CCDC42: variants seen among roughly 807,000 people sequenced by gnomAD.
CCDC42 encodes the protein coiled-coil domain containing 42, also known as coiled-coil domain-containing protein 42.
CCDC42 carries 38 observed loss-of-function variants against 40.8 expected under a neutral mutation model. The ratio of observed to expected loss-of-function variants is 0.93; its 90% confidence interval spans 0.72 to 1.22. CCDC42 has a LOEUF of 1.22. CCDC42 is among the 50% of genes most tolerant of loss of function. The probability of loss-of-function intolerance (pLI) is 0.00; values close to 1 mark genes in which losing one functional copy is unlikely to be tolerated. For missense variants in CCDC42, 379 were observed against 416.5 expected (o/e 0.91, Z 0.78); for synonymous variants, 135 against 157.5 (o/e 0.86, Z 1.07).
rs777008832 is a variant in CCDC42 at position 8,735,867 on chromosome 17, A to G, written c.493-256T>C. ...GCTAGGGATTTTCGACTTTAACTGC[A>G]TGTGAGAATCACCTGTAGGGGCTTT... On this transcript the variant is annotated intron_variant, in intron 4 of 6. Transcript: ENST00000293845. The surrounding 1 kb of genome is among the most constrained non-coding windows in gnomAD (Gnocchi z 4.7). 5.9e-5 allele frequency among the ~76,000 whole-genome samples: 9 copies of G among 152,310 alleles called. No homozygotes were observed. Among genetic ancestry groups the G allele is most frequent in the African/African-American group, 2.2e-4 (9 of 41,566 alleles).
rs1344849214 is a variant in CCDC42, at chr17:8,737,840, G to A, written c.493-2229C>T. ...GTGCAATAATTTGTCTTAAAAGACAGGGTCTCACTCTATTGTTCAGGCTGG... is the reference window on the plus strand; with the variant it reads ...GTGCAATAATTTGTCTTAAAAGACAAGGTCTCACTCTATTGTTCAGGCTGG... On this transcript the variant is annotated intron_variant, in intron 4 of 6. Coordinates refer to ENST00000293845, the MANE Select transcript of CCDC42 (RefSeq NM_144681.3). 2.0e-5 allele frequency among the ~76,000 whole-genome samples: 3 copies of A among 152,194 alleles called. No homozygotes were observed. In the South Asian group the frequency reaches 6.2e-4, roughly 31 times the overall value.
intron 4 of CCDC42, 62 bp downstream of exon 4, chr17:8,741,412 C>G: frequency 2.0e-6 from 3 of 1,510,986 alleles, no homozygotes; most frequent in Non-Finnish European, 2.8e-6. Context: ...CCCCAGGCCC[C>G]GGGGAAGAGA....
At position 8,744,580 on chromosome 17, in the gene CCDC42, G is replaced by C. The variant is rs1464829541; in HGVS notation, c.30C>G (p.Asp10Glu). Reference sequence around the variant, plus strand: ...ACTGCAGCCGGAAGTACTCGGCCAGGTCTTCCTCTTCCATGATGCCCAGAC... The same window carrying C: ...ACTGCAGCCGGAAGTACTCGGCCAGCTCTTCCTCTTCCATGATGCCCAGAC... The part of the protein sequence containing the change: MSLGIMEEE[D>E]LAEYFRLQYG... Residue 10 changes from aspartate to glutamate, a missense_variant, in exon 1 of 7, where the codon GAC (aspartate) becomes GAG (glutamate). Transcript: ENST00000293845. The C allele has an allele frequency of 1.6e-5, 25 of 1,612,576 alleles. No homozygotes were observed. The Admixed American group carries it at 4.2e-4, about 27-fold the overall frequency.
rs532569419 is a variant in CCDC42, at chr17:8,735,801, G to A, written c.493-190C>T. 2.0e-5 allele frequency among the ~76,000 whole-genome samples: 3 copies of A among 152,308 alleles called. No homozygotes were observed. Among genetic ancestry groups the A allele is most frequent in the Admixed American group, 1.3e-4 (2 of 15,310 alleles). ...CTGCCTGCTTCTCCTGGGTTTGTAC[G>A]GGCCACGGTCCATTTGTTGGGCAGG... On this transcript the variant is annotated intron_variant, in intron 4 of 6. Transcript: ENST00000293845. The surrounding 1 kb of genome is among the most constrained non-coding windows in gnomAD (Gnocchi z 4.7).
chr17:8,730,250 G>A, intron 6 of CCDC42, 43 bp from the exon 7 acceptor site: 1 of 1,470,858 alleles, frequency 6.8e-7, no homozygotes, highest in South Asian at 1.2e-5. Context: ...CCCCCCAGAG[G>A]CCTCCCCTGT....
intron 4 of CCDC42, among the ~76,000 whole-genome samples, chr17:8,740,192 T>C (rs1435913574): frequency 6.6e-6 from 1 of 152,078 alleles, no homozygotes; most frequent in Non-Finnish European, 1.5e-5. Context: ...TGGGAGGCCC[T>C]GGACATTGCT....
chr17:8,737,782 C>T (rs1334323070), intron 4 of CCDC42, among the ~76,000 whole-genome samples: 1 of 152,194 alleles, frequency 6.6e-6, no homozygotes, highest in Non-Finnish European at 1.5e-5. Flanking sequence ...TATGGACTCT[C>T]ATTGGAACAA....
intron 3 of CCDC42, among the ~76,000 whole-genome samples, chr17:8,742,529 AC>A (rs2086651567): frequency 1.3e-5 from 2 of 152,090 alleles, no homozygotes. Flanking sequence ...GGGCAAGCCC[AC>A]CCCTCGCCCT....
In CCDC42 at chr17:8,744,565, G is replaced by C. The variant is rs1190234299; in HGVS notation, c.45C>G (p.Phe15Leu). ...GCAGCCGCTCCCCATACTGCAGCCG[G>C]AAGTACTCGGCCAGGTCTTCCTCTT... ...IMEEEDLAEYFRLQYGERLLQ... is the reference protein window; with the variant it reads ...IMEEEDLAEYLRLQYGERLLQ... Residue 15 changes from phenylalanine to leucine, a missense_variant, in exon 1 of 7, where the codon TTC becomes TTG. Transcript: ENST00000293845. 6.2e-7 allele frequency: 1 copy of C among 1,612,476 alleles called. No homozygotes were observed. Among genetic ancestry groups the C allele is most frequent in the African/African-American group, 1.3e-5 (1 of 74,912 alleles).
rs1373117039 is a variant in CCDC42, at chr17:8,741,565, G to A, written c.401C>T (p.Ala134Val). ...ELTKRKQEMV[A>V]LRLEHQRLSA... ...CAGCCGCTGGTGCTCCAGCCGCAGCGCCACCATCTCCTGCTTGCGCTTGGT... is the reference window on the plus strand; with the variant it reads ...CAGCCGCTGGTGCTCCAGCCGCAGCACCACCATCTCCTGCTTGCGCTTGGT... The change falls in exon 4 of 7, where the codon GCG becomes GTG. Residue 134 changes from alanine (A) to valine (V), a missense_variant. By Grantham distance (64) the Ala-to-Val change is moderately conservative. Transcript: ENST00000293845. 6.8e-6 allele frequency: 11 copies of A among 1,614,054 alleles called. No homozygotes were observed. The highest frequency in any genetic ancestry group is 4.0e-5 in the African/African-American group (3 of 74,940).
chr17:8,740,214 T>C (rs1568053263), intron 4 of CCDC42, among the ~76,000 whole-genome samples: 1 of 151,628 alleles, frequency 6.6e-6, no homozygotes, highest in African/African-American at 2.4e-5. Flanking sequence ...AGAAGAAAAG[T>C]GGAGGATCGC....
chr17:8,741,079 A>G (rs1356534374), intron 4 of CCDC42, among the ~76,000 whole-genome samples: 3 of 152,062 alleles, frequency 2.0e-5, no homozygotes, highest in Non-Finnish European at 4.4e-5. Context: ...GGATGCAGGG[A>G]TAGAGGGAGG....
At chr17:8,732,912 TC>T (rs2086589779) in intron 6 of CCDC42, among the ~76,000 whole-genome samples, 1 of 152,190 alleles carries the variant, frequency 6.6e-6, no homozygotes, top group African/African-American at 2.4e-5. Flanking sequence ...GAATCGCTTT[TC>T]CTAAGCTGTC....
rs1597344258 is a variant in CCDC42 at position 8,735,184 on chromosome 17, G to A, written c.785C>T (p.Ala262Val). The A allele has an allele frequency of 2.5e-6, 4 of 1,614,144 alleles. No individual in the cohort carries two copies. Among genetic ancestry groups the A allele is most frequent in the Non-Finnish European group, 3.4e-6 (4 of 1,180,016 alleles). The change falls in exon 6 of 7, where the codon GCC becomes GTC. Residue 262 changes from alanine (A) to valine (V), a missense_variant. Transcript: ENST00000293845. This position sits in a 1 kb window ranked among gnomAD's most constrained non-coding sequence, Gnocchi z 4.7. Reference sequence around the variant, plus strand: ...CACGATCTGGAAGAGGTTCAGCGTGGCCATCTTAATGGTGCCAAGCAGGAG... The same window carrying A: ...CACGATCTGGAAGAGGTTCAGCGTGACCATCTTAATGGTGCCAAGCAGGAG... ...KTLLLGTIKMATLNLFQIVSK... is the reference protein window; with the variant it reads ...KTLLLGTIKMVTLNLFQIVSK...
intron 3 of CCDC42, among the ~76,000 whole-genome samples, chr17:8,743,149 T>C (rs1303196067): frequency 1.3e-5 from 2 of 152,176 alleles, no homozygotes; most frequent in Non-Finnish European, 2.9e-5. Context: ...AGTGCTCCAC[T>C]AAAGACTGAA....
intron 6 of CCDC42, among the ~76,000 whole-genome samples, chr17:8,732,854 C>G (rs1168742960): frequency 1.3e-5 from 2 of 152,176 alleles, no homozygotes; most frequent in Non-Finnish European, 2.9e-5. Context: ...TAATGCCAAA[C>G]CTTCCATGAC....
At chr17:8,743,777 C>A (rs775821271) in intron 2 of CCDC42, 47 bp from the exon 3 acceptor site, 1 of 1,126,304 alleles carries the variant, frequency 8.9e-7, no homozygotes, top group African/African-American at 1.5e-5. Context: ...GGGCTCCTGA[C>A]ATGAGTACCA....
intron 3 of CCDC42, among the ~76,000 whole-genome samples, chr17:8,743,359 A>G (rs1004803): frequency 0.82 from 125,302 of 152,132 alleles, 51,898 homozygotes; most frequent in African/African-American, 0.89. Flanking sequence ...TCATTTACTG[A>G]ATAAACTGTA....
At chr17:8,733,057 C>G (rs1013234303) in intron 6 of CCDC42, among the ~76,000 whole-genome samples, 2 of 152,008 alleles carry the variant, frequency 1.3e-5, no homozygotes, top group Non-Finnish European at 2.9e-5. Flanking sequence ...TCAGTGAGAA[C>G]TAAGTGCTGG....
Sources: gnomAD v4.1 joint callset for allele counts (sites outside exome capture counted in the v4.1 genomes callset) on GRCh38, gnomAD v4.1.1 for gene constraint, Gnocchi (gnomAD v3.1) non-coding constraint, MANE v1.5 for transcripts, NCBI Gene and HGNC (gene_info 2026-07-23, HGNC 2026-07-21) for gene names.